Variants in ARHGEF28 observed in about 807,000 individuals in gnomAD.
ARHGEF28 encodes the protein Rho guanine nucleotide exchange factor 28.
ARHGEF28 carries 152 observed loss-of-function variants against 206.6 expected under a neutral mutation model. The ratio of observed to expected loss-of-function variants is 0.74; its 90% confidence interval spans 0.64 to 0.84. The LOEUF (loss-of-function observed/expected upper bound fraction) is 0.84. Among genes scored for constraint, ARHGEF28 ranks in the 40% least tolerant of loss-of-function variants. The pLI is 0.00. For synonymous variants in ARHGEF28, 763 were observed against 776.4 expected (o/e 0.98, Z 0.29); for missense variants, 2,028 against 2,073.2 (o/e 0.98, Z 0.42).
chr5:73,904,660 T>TTAAAAA (rs1470132779), intron 33 of ARHGEF28: 9 of 487,574 alleles, frequency 1.8e-5, no homozygotes, highest in South Asian at 3.7e-5. Flanking sequence ...ATGAATATGA[T>TTAAAAA]CTGGCTTGAC....
intron 2 of ARHGEF28, among the ~76,000 whole-genome samples, chr5:73,731,369 C>A (rs1003414070): frequency 1.3e-5 from 2 of 152,114 alleles, no homozygotes; most frequent in Non-Finnish European, 2.9e-5. Context: ...AAACTCAAAT[C>A]ATCATAAGTT....
At position 73,773,958 on chromosome 5, in the gene ARHGEF28, T is replaced by C; in HGVS notation, c.579T>C (p.Ala193=). 2 of 1,607,534 alleles carry C rather than the reference T, an allele frequency of 1.2e-6. No homozygotes were observed. Among genetic ancestry groups the C allele is most frequent in the Non-Finnish European group, 1.7e-6 (2 of 1,176,860 alleles). Residue 193 remains alanine (A), a synonymous_variant, in exon 5 of 36, where the codon GCT becomes GCC. Transcript: ENST00000513042. ...LCLPGGVQAL[A]LPNEEGATPL... ...TCCCGGGGGGAGTCCAGGCCTTGGC[T>C]TTACCCAACGAAGAGGGTGCCACAC...
In ARHGEF28 at chr5:73,836,433, T is replaced by C. The variant is rs77591081; in HGVS notation, c.1146+3974T>C. 6.2e-3 allele frequency among the ~76,000 whole-genome samples: 940 copies of C among 152,076 alleles called. 10 individuals carry two copies. The highest frequency in any genetic ancestry group is 0.021 in the African/African-American group (877 of 41,510). ...CACTTTTGCATATACCTATTGGCCATTTGTGTGTGTCATTTTTTGGGAAAA... is the reference window on the plus strand; with the variant it reads ...CACTTTTGCATATACCTATTGGCCACTTGTGTGTGTCATTTTTTGGGAAAA... On this transcript the variant is annotated intron_variant, in intron 10 of 35. Transcript: ENST00000513042.
chr5:73,792,750 A>T (rs765719238), intron 7 of ARHGEF28, among the ~76,000 whole-genome samples: 1 of 150,370 alleles, frequency 6.7e-6, no homozygotes, highest in Non-Finnish European at 1.5e-5. Flanking sequence ...CCTACTGTAC[A>T]CTTATAATGT....
chr5:73,675,380 A>T (rs1746590417), intron 1 of ARHGEF28, among the ~76,000 whole-genome samples: 3 of 152,168 alleles, frequency 2.0e-5, no homozygotes, highest in African/African-American at 7.2e-5. Context: ...ATTTCATAGG[A>T]AGCAGTGGTG....
intron 2 of ARHGEF28, among the ~76,000 whole-genome samples, chr5:73,733,555 A>G (rs953238286): frequency 9.9e-5 from 15 of 152,156 alleles, no homozygotes; most frequent in African/African-American, 3.4e-4. Flanking sequence ...AATATCTAAG[A>G]CCGATTACAC....
At chr5:73,934,281 C>A (rs1684850) in intron 35 of ARHGEF28, among the ~76,000 whole-genome samples, 23,563 of 152,116 alleles carry the variant, frequency 0.15, 2,070 homozygotes, top group Middle Eastern at 0.23. Flanking sequence ...TGATTAGATG[C>A]AGGCTTTATT....
At chr5:73,936,955 G>A (rs552795543) in intron 35 of ARHGEF28, among the ~76,000 whole-genome samples, 39 of 152,278 alleles carry the variant, frequency 2.6e-4, no homozygotes, top group African/African-American at 8.7e-4. Flanking sequence ...TAGTCAGTTG[G>A]CTCAAAAGAA....
chr5:73,872,834 T>A (rs1033231717), intron 21 of ARHGEF28, among the ~76,000 whole-genome samples, 165 bp from the exon 22 acceptor site: 1 of 152,230 alleles, frequency 6.6e-6, no homozygotes, highest in Admixed American at 6.5e-5. Flanking sequence ...TATTTTAGAG[T>A]GAATGAAATG....
chr5:73,722,404 C>G (rs992556855), intron 2 of ARHGEF28, among the ~76,000 whole-genome samples: 1 of 152,192 alleles, frequency 6.6e-6, no homozygotes, highest in African/African-American at 2.4e-5. Flanking sequence ...CCTGGGACTA[C>G]CAGAGTGTAA....
chr5:73,773,641 A>T (rs1753363600), intron 4 of ARHGEF28, among the ~76,000 whole-genome samples: 1 of 152,188 alleles, frequency 6.6e-6, no homozygotes, highest in African/African-American at 2.4e-5. Context: ...TGCTCAGCGG[A>T]CCTGGCCCCA....
chr5:73,861,047 T>G (rs1353444065), intron 16 of ARHGEF28, among the ~76,000 whole-genome samples: 1 of 152,246 alleles, frequency 6.6e-6, no homozygotes, highest in Non-Finnish European at 1.5e-5. Context: ...TCCAAACTCC[T>G]GCCTATCACT....
At chr5:73,926,593 C>T (rs989881451) in intron 35 of ARHGEF28, among the ~76,000 whole-genome samples, 2 of 152,164 alleles carry the variant, frequency 1.3e-5, no homozygotes, top group African/African-American at 4.8e-5. Context: ...TTGCAATGGC[C>T]ACAGACTCCA....
rs1410484398 is a variant in ARHGEF28, at chr5:73,911,433, G to A, written c.4806G>A (p.Leu1602=). 1 of 1,613,802 alleles carries A rather than the reference G, an allele frequency of 6.2e-7. No individual in the cohort carries two copies. The highest frequency in any genetic ancestry group is 8.5e-7 in the Non-Finnish European group (1 of 1,179,890). ...CTACAACTCAATCTCATTCTGACTT[G>A]GTGAGGACTAGTGAACATCAAGTAG... ...TYPTTQSHSD[L]VRTSEHQVDL... The change falls in exon 35 of 36, where the codon TTG becomes TTA. Residue 1602 remains leucine, a synonymous_variant. Coordinates refer to ENST00000513042, the MANE Select transcript of ARHGEF28 (RefSeq NM_001177693.2).
chr5:73,898,144 C>T, intron 30 of ARHGEF28, 51 bp downstream of exon 30: 2 of 1,586,188 alleles, frequency 1.3e-6, no homozygotes, highest in Middle Eastern at 1.7e-4. Context: ...GTCCCTGGAG[C>T]TTACAGTGGT....
chr5:73,809,136 C>T (rs1246803804), intron 9 of ARHGEF28, among the ~76,000 whole-genome samples: 6 of 151,104 alleles, frequency 4.0e-5, no homozygotes, highest in South Asian at 2.1e-4. Context: ...GCCTGGATGG[C>T]GGAAGTAGTA....
chr5:73,782,611 T>A (rs896926956), intron 7 of ARHGEF28, among the ~76,000 whole-genome samples: 1 of 152,180 alleles, frequency 6.6e-6, no homozygotes, highest in African/African-American at 2.4e-5. Context: ...CCCAAGGGAA[T>A]TGCCTTTACT....
intron 4 of ARHGEF28, among the ~76,000 whole-genome samples, chr5:73,768,859 A>G (rs774075306): frequency 1.3e-5 from 2 of 152,026 alleles, no homozygotes; most frequent in African/African-American, 4.8e-5. Context: ...ATTCCCATGT[A>G]TCATGGGAGG....
intron 4 of ARHGEF28, among the ~76,000 whole-genome samples, chr5:73,759,289 A>G (rs1752478152): frequency 6.6e-6 from 1 of 152,252 alleles, no homozygotes; most frequent in Non-Finnish European, 1.5e-5. Context: ...TGTTAGTTTC[A>G]AGGACAAATC....
Sources: allele counts gnomAD v4.1 joint callset (sites outside exome capture counted in the v4.1 genomes callset), GRCh38; gene constraint gnomAD v4.1.1; transcripts MANE v1.5; gene names NCBI Gene and HGNC (gene_info 2026-07-23, HGNC 2026-07-21).